PRMT7: variants seen among roughly 807,000 people sequenced by gnomAD.
PRMT7 encodes protein arginine methyltransferase 7.
In PRMT7, 75 loss-of-function variants were observed where a neutral mutation model predicts 85.4. That is an observed-to-expected ratio of 0.88 (90% confidence interval 0.73 to 1.06). The LOEUF is 1.06. Ranked by LOEUF, PRMT7 falls within the 50% of genes least tolerant of loss-of-function variation. The pLI is 0.00. For synonymous variants in PRMT7, 397 were observed against 359.5 expected, an observed-to-expected ratio of 1.10 and a Z score of -1.18; for missense variants, 868 against 915.2, an observed-to-expected ratio of 0.95 and a Z score of 0.67.
rs953669565 is a variant in PRMT7, at chr16:68,342,055, A to C, written c.927+2087A>C. Reference sequence around the variant, plus strand: ...CACTTTGGGAGCCCCAGGTGGGTGGATCATTTGAGGTCAGGAGTTCGAGAC... The same window carrying C: ...CACTTTGGGAGCCCCAGGTGGGTGGCTCATTTGAGGTCAGGAGTTCGAGAC... On this transcript the variant is annotated intron_variant, in intron 9 of 18. Transcript: ENST00000441236. 4.5e-4 allele frequency among the ~76,000 whole-genome samples: 68 copies of C among 152,134 alleles called. 1 individual carries two copies. The highest frequency in any genetic ancestry group is 1.6e-3 in the African/African-American group (65 of 41,428).
chr16:68,355,219 C>G (rs190989587), intron 16 of PRMT7: 1 of 152,992 alleles, frequency 6.5e-6, no homozygotes, highest in African/African-American at 2.4e-5. Flanking sequence ...GCTCTATCCT[C>G]AAGGCCCCCT....
rs768169950 is a variant in PRMT7, at chr16:68,321,407, T to G, written c.96-19T>G. Reference sequence around the variant, plus strand: ...TTGATGTGTATCATGCAAAGGTTACTGACTTTTTTGTTTTTTAGGTCATCT... The same window carrying G: ...TTGATGTGTATCATGCAAAGGTTACGGACTTTTTTGTTTTTTAGGTCATCT... On this transcript the variant is annotated intron_variant, in intron 3 of 18. Transcript: ENST00000441236. The G allele has an allele frequency of 6.3e-7, 1 of 1,596,372 alleles. No individual in the cohort carries two copies. The highest frequency in any genetic ancestry group is 2.2e-5 in the East Asian group (1 of 44,714).
chr16:68,328,646 G>T, intron 5 of PRMT7: 1 of 184,896 alleles, frequency 5.4e-6, no homozygotes. Flanking sequence ...TAGAGGCTGT[G>T]TTCTGCCAAC....
intron 6 of PRMT7, among the ~76,000 whole-genome samples, chr16:68,331,529 G>A (rs1366592811): frequency 6.7e-6 from 1 of 149,766 alleles, no homozygotes; most frequent in Non-Finnish European, 1.5e-5. Context: ...GTGCAGGGGT[G>A]TGAGCATGGC....
At chr16:68,346,640 C>G (rs1429845441) in intron 11 of PRMT7, among the ~76,000 whole-genome samples, 1 of 152,110 alleles carries the variant, frequency 6.6e-6, no homozygotes, top group Non-Finnish European at 1.5e-5. Flanking sequence ...GATCATGTCG[C>G]TCTCCTGCCT....
chr16:68,345,651 AGCTGACTCTGTT>A lies in PRMT7; in HGVS notation c.928-23_928-12del. On this transcript the variant is annotated splice_polypyrimidine_tract_variant and intron_variant, in intron 9 of 18. Transcript: ENST00000441236. The stretch of plus-strand genomic sequence containing the variant: ...ATTGCTCATACTGCAGCTCGTTGAC[AGCTGACTCTGTT>A]CTCCGTTTCAGTGGCGGGACCACTG... 1 of 1,612,850 alleles carries A rather than the reference AGCTGACTCTGTT, an allele frequency of 6.2e-7. No individual in the cohort carries two copies. Among genetic ancestry groups the A allele is most frequent in the Non-Finnish European group, 8.5e-7 (1 of 1,179,912 alleles).
In PRMT7 at chr16:68,346,203, C is replaced by T; in HGVS notation, c.1114C>T (p.Leu372=). The T allele has an allele frequency of 6.2e-7, 1 of 1,614,196 alleles. No individual in the cohort carries two copies. The highest frequency in any genetic ancestry group is 1.3e-5 in the African/African-American group (1 of 75,056). ...MRPVCDCQAH[L]LWNRPRFGEI... ...CCCCGTGTGTGACTGCCAGGCTCAC[C>T]TGCTCTGGAACCGGCCTCGGTTTGG... is the stretch of plus-strand genomic sequence containing the variant. The change falls in exon 11 of 19, where the codon CTG becomes TTG. Residue 372 remains leucine, a synonymous_variant. Transcript: ENST00000441236.
intron 5 of PRMT7, 50 bp downstream of exon 5, chr16:68,324,882 C>T: frequency 6.2e-7 from 1 of 1,605,962 alleles, no homozygotes; most frequent in Non-Finnish European, 8.5e-7. Flanking sequence ...TGGGAAATCC[C>T]CTATGCTCTT....
At chr16:68,348,318 T>C (rs2086714288) in intron 13 of PRMT7, 24 bp from the exon 14 acceptor site, 1 of 1,535,300 alleles carries the variant, frequency 6.5e-7, no homozygotes, top group African/African-American at 1.4e-5. Flanking sequence ...ATGAATACAG[T>C]AATTTTACGG....
At chr16:68,313,365 A>C (rs1752162439) in intron 2 of PRMT7, among the ~76,000 whole-genome samples, 1 of 152,240 alleles carries the variant, frequency 6.6e-6, no homozygotes, top group African/African-American at 2.4e-5. Flanking sequence ...AAGTGACTTC[A>C]GAATTGATTC....
At chr16:68,352,055 T>G in intron 14 of PRMT7, 193 bp from the exon 15 acceptor site, 1 of 584,564 alleles carries the variant, frequency 1.7e-6, no homozygotes, top group South Asian at 2.1e-5. Context: ...CTGCCTTGCT[T>G]GTTTGTTGAC....
intron 2 of PRMT7, among the ~76,000 whole-genome samples, chr16:68,313,727 G>A (rs2044287027): frequency 6.6e-6 from 1 of 152,230 alleles, no homozygotes; most frequent in Non-Finnish European, 1.5e-5. Flanking sequence ...GTGGATTATA[G>A]CAATGTTGTT....
At position 68,312,528 on chromosome 16, in the gene PRMT7, C is replaced by T. The variant is rs191020300; in HGVS notation, c.-84+352C>T. On this transcript the variant is annotated intron_variant, in intron 2 of 18. Coordinates refer to ENST00000441236, the MANE Select transcript of PRMT7 (RefSeq NM_019023.5). ...TGGGATCACAGGTGTGAGCCACCAC[C>T]GCCTAGCAAATACATTTTGAATGAA... is the stretch of plus-strand genomic sequence containing the variant. Among the ~76,000 whole-genome samples the T allele has an allele frequency of 7.8e-4, 118 of 152,224 alleles. 1 individual carries two copies. Among genetic ancestry groups the T allele is most frequent in the South Asian group, 3.7e-3 (18 of 4,822 alleles).
At chr16:68,312,958 G>A (rs1254278046) in intron 2 of PRMT7, among the ~76,000 whole-genome samples, 3 of 152,190 alleles carry the variant, frequency 2.0e-5, no homozygotes, top group Non-Finnish European at 4.4e-5. Flanking sequence ...CCAAGTAGCA[G>A]GGATTACAGG....
At chr16:68,347,048 G>A (rs1283345134) in intron 11 of PRMT7, among the ~76,000 whole-genome samples, 163 bp from the exon 12 acceptor site, 2 of 152,070 alleles carry the variant, frequency 1.3e-5, no homozygotes, top group African/African-American at 4.8e-5. Flanking sequence ...TGAGCAAGGC[G>A]GGCATGTTTG....
chr16:68,326,442 C>T (rs1487639776), intron 5 of PRMT7, among the ~76,000 whole-genome samples: 15 of 152,156 alleles, frequency 9.9e-5, no homozygotes, highest in African/African-American at 2.4e-4. Flanking sequence ...GATAGGGTTT[C>T]GCCATGTTGG....
chr16:68,339,256 C>A, intron 7 of PRMT7, 66 bp from the exon 8 acceptor site: 1 of 1,594,508 alleles, frequency 6.3e-7, no homozygotes, highest in Non-Finnish European at 8.6e-7. Flanking sequence ...CTCTTTTGAT[C>A]AATGGGAATT....
At chr16:68,321,373 T>G in intron 3 of PRMT7, 53 bp from the exon 4 acceptor site, 4 of 1,422,114 alleles carry the variant, frequency 2.8e-6, no homozygotes, top group Non-Finnish European at 3.9e-6. Flanking sequence ...ATGTGAATAC[T>G]CTTGTGTGTT....
At chr16:68,360,668 T>C (rs1438187821), downstream of PRMT7, 1 of 155,922 alleles carries the variant, frequency 6.4e-6, no homozygotes, top group Non-Finnish European at 1.4e-5. Context: ...CGGCCCACAC[T>C]GGAGGCGGGA....
Sources: gnomAD v4.1 joint callset for allele counts (sites outside exome capture counted in the v4.1 genomes callset) on GRCh38, gnomAD v4.1.1 for gene constraint, MANE v1.5 for transcripts, NCBI Gene and HGNC (gene_info 2026-07-23, HGNC 2026-07-21) for gene names.